PREX2: variants seen among roughly 807,000 people sequenced by gnomAD.
PREX2 encodes the protein phosphatidylinositol-3,4,5-trisphosphate dependent Rac exchange factor 2, also known as phosphatidylinositol 3,4,5-trisphosphate-dependent Rac exchanger 2 protein.
PREX2 carries 107 observed loss-of-function variants against 203.2 expected under a neutral mutation model. The observed-to-expected ratio is 0.53, with a 90% CI of 0.45 to 0.62. PREX2 has a LOEUF of 0.62. Among genes scored for constraint, PREX2 ranks in the 20% least tolerant of loss-of-function variants. PREX2 has a pLI of 0.00. For missense variants in PREX2, 1,777 were observed against 1,955.9 expected (o/e 0.91, Z 1.72); for synonymous variants, 672 against 663.6 (o/e 1.01, Z -0.19).
At chr8:68,094,137 G>A (rs1221292190) in intron 21 of PREX2, among the ~76,000 whole-genome samples, 1 of 152,192 alleles carries the variant, frequency 6.6e-6, no homozygotes, top group Admixed American at 6.5e-5. Context: ...CCTCCAGTGT[G>A]CCTCACAGAG....
intron 23 of PREX2, among the ~76,000 whole-genome samples, chr8:68,102,355 C>T (rs1810289436): frequency 6.6e-6 from 1 of 152,152 alleles, no homozygotes; most frequent in Non-Finnish European, 1.5e-5. Context: ...TTTAAAAGCT[C>T]TCCTTGTCAT....
At position 68,031,664 on chromosome 8, in the gene PREX2, A is replaced by G. The variant is rs893659413; in HGVS notation, c.705+1006A>G. On this transcript the variant is annotated intron_variant, in intron 6 of 39. Transcript: ENST00000288368. ...GTTGACCTAGCTGCTTCTTTGTCCA[A>G]CTCTTTCCATTTCAAGTGTCCGGAG... 2.6e-5 allele frequency among the ~76,000 whole-genome samples: 4 copies of G among 151,890 alleles called. No individual in the cohort carries two copies. In the East Asian group the frequency reaches 7.7e-4, roughly 29 times the overall value.
chr8:68,059,677 T>G (rs945667001), intron 10 of PREX2, among the ~76,000 whole-genome samples: 8 of 152,072 alleles, frequency 5.3e-5, no homozygotes, highest in African/African-American at 1.9e-4. Context: ...CTGCTTAGGG[T>G]TTCACGACCC....
intron 1 of PREX2, among the ~76,000 whole-genome samples, chr8:67,987,801 C>G (rs919481951): frequency 7.9e-5 from 12 of 152,174 alleles, no homozygotes; most frequent in African/African-American, 2.4e-4. Context: ...TAATATCTTC[C>G]TTCTCTGTGC....
chr8:68,197,787 AT>A (rs1812427976), intron 37 of PREX2, among the ~76,000 whole-genome samples: 2 of 148,494 alleles, frequency 1.3e-5, no homozygotes, highest in Non-Finnish European at 3.0e-5. Context: ...TATATATGCT[AT>A]ATTATATATA....
Position 68,130,451 on chromosome 8 carries a change from T to A in PREX2, c.3766+3032T>A, listed in dbSNP as rs144943753. ...ATTTTGTTGTATTTATGTAACAAAT[T>A]GCTCCTTCTCCATGAGCAATAAAGC... On this transcript the variant is annotated intron_variant, in intron 31 of 39. Coordinates refer to ENST00000288368, the MANE Select transcript of PREX2 (RefSeq NM_024870.4). Among the ~76,000 whole-genome samples the A allele has an allele frequency of 2.3e-4, 35 of 152,308 alleles. 1 individual carries two copies. In the East Asian group the frequency reaches 3.3e-3, roughly 14 times the overall value.
rs1049345748 is a variant in PREX2, at chr8:68,233,638, G to C, written c.*2260G>C. 1 of 152,158 alleles carries C rather than the reference G, an allele frequency of 6.6e-6. No individual in the cohort carries two copies. The highest frequency in any genetic ancestry group is 2.4e-5 in the African/African-American group (1 of 41,434). 9.4% of individuals were successfully genotyped at this position (152,158 alleles called of 1,614,324 possible). A position where few individuals can be genotyped will look rare whatever the true frequency, so the allele number is the denominator to read the frequency against. The stretch of plus-strand genomic sequence containing the variant: ...TACATGCCCAGTAATACCTCCAAAT[G>C]CTTTGCCTGTATTCTGTTGTTATTG... On this transcript the variant is annotated 3_prime_UTR_variant, in exon 40 of 40. Transcript: ENST00000288368.
chr8:68,217,624 T>A lies in PREX2; in HGVS notation c.4613T>A (p.Leu1538Gln), dbSNP rs745588887. The A allele has an allele frequency of 1.2e-6, 2 of 1,614,038 alleles. No individual in the cohort carries two copies. The highest frequency in any genetic ancestry group is 3.3e-5 in the Admixed American group (2 of 60,026). The change falls in exon 38 of 40, where the codon CTG becomes CAG. Residue 1538 changes from leucine (L) to glutamine (Q), a missense_variant. Coordinates refer to ENST00000288368, the MANE Select transcript of PREX2 (RefSeq NM_024870.4). The part of the protein sequence containing the change: ...MCSSGVHRCT[L>Q]SVTLEQAIIL... ...CTTGCCTTGGCCCACAGGTGCACCC[T>A]GAGCGTGACGCTGGAGCAAGCCATC...
At chr8:68,084,737 T>G (rs1414084862) in intron 18 of PREX2, among the ~76,000 whole-genome samples, 1 of 152,146 alleles carries the variant, frequency 6.6e-6, no homozygotes, top group Non-Finnish European at 1.5e-5. Flanking sequence ...TTTATTCAAC[T>G]CTGTCTAGGA....
chr8:68,080,438 T>C lies in PREX2; in HGVS notation c.1643-5T>C. The stretch of plus-strand genomic sequence containing the variant: ...GAAATAATTTGCATCTGTCTTTTTC[T>C]GTAGTCCTTGAAAAAAGCGAATTCA... On this transcript the variant is annotated splice_polypyrimidine_tract_variant and splice_region_variant and intron_variant, in intron 15 of 39. Coordinates refer to ENST00000288368, the MANE Select transcript of PREX2 (RefSeq NM_024870.4). 6.2e-7 allele frequency: 1 copy of C among 1,610,918 alleles called. No homozygotes were observed. Among genetic ancestry groups the C allele is most frequent in the Non-Finnish European group, 8.5e-7 (1 of 1,179,144 alleles).
chr8:68,142,626 C>T (rs1174556420), intron 33 of PREX2, among the ~76,000 whole-genome samples: 1 of 152,126 alleles, frequency 6.6e-6, no homozygotes, highest in Non-Finnish European at 1.5e-5. Flanking sequence ...AAGTTTTCAG[C>T]TCTTTTGGGT....
At chr8:68,159,559 G>A (rs1287052559) in intron 35 of PREX2, among the ~76,000 whole-genome samples, 8 of 152,154 alleles carry the variant, frequency 5.3e-5, no homozygotes, top group African/African-American at 1.9e-4. Context: ...AATAACCTGA[G>A]TTCCTGGTCC....
intron 34 of PREX2, among the ~76,000 whole-genome samples, chr8:68,154,722 CT>C (rs911888831): frequency 6.6e-6 from 1 of 152,184 alleles, no homozygotes; most frequent in African/African-American, 2.4e-5. Flanking sequence ...GTCCTTTTCC[CT>C]TTGAAGGGTT....
Position 68,233,947 on chromosome 8 carries a change from A to G in PREX2, c.*2569A>G, listed in dbSNP as rs915450028. On this transcript the variant is annotated 3_prime_UTR_variant, in exon 40 of 40. Coordinates refer to ENST00000288368, the MANE Select transcript of PREX2 (RefSeq NM_024870.4). ...TTAAATTATACATCTTGTATTAAAA[A>G]ACGGTGAATGGAAATATGTAAATGC... The G allele has an allele frequency of 2.0e-5, 3 of 152,330 alleles. No individual in the cohort carries two copies. The highest frequency in any genetic ancestry group is 2.9e-5 in the Non-Finnish European group (2 of 68,032). 9.4% of individuals were successfully genotyped at this position (152,330 alleles called of 1,614,324 possible). A position where few individuals can be genotyped will look rare whatever the true frequency, so the allele number is the denominator to read the frequency against.
intron 6 of PREX2, among the ~76,000 whole-genome samples, chr8:68,035,889 T>G (rs375785476): frequency 6.6e-6 from 1 of 152,178 alleles, no homozygotes; most frequent in South Asian, 2.1e-4. Context: ...CGAAGTTATA[T>G]GTATATTGTG....
At chr8:68,211,297 C>T (rs895259896) in intron 37 of PREX2, among the ~76,000 whole-genome samples, 1 of 152,192 alleles carries the variant, frequency 6.6e-6, no homozygotes, top group Non-Finnish European at 1.5e-5. Context: ...TCTTTAGCTT[C>T]ATGTAATTAT....
chr8:68,084,655 C>T (rs565442538), intron 18 of PREX2, among the ~76,000 whole-genome samples: 7 of 152,200 alleles, frequency 4.6e-5, no homozygotes, highest in Non-Finnish European at 7.4e-5. Context: ...TGTAGGAAGA[C>T]GGGGCTAGAG....
At chr8:68,230,806 A>G (rs955024391) in intron 39 of PREX2, among the ~76,000 whole-genome samples, 1 of 152,118 alleles carries the variant, frequency 6.6e-6, no homozygotes, top group African/African-American at 2.4e-5. Context: ...ACTCTAGCCA[A>G]TTGTGCCTTT....
intron 23 of PREX2, 196 bp downstream of exon 23, chr8:68,100,039 G>T (rs372425775): frequency 1.1e-5 from 8 of 708,176 alleles, no homozygotes; most frequent in Admixed American, 5.2e-5. Flanking sequence ...AAACTTGTAA[G>T]TTATGTTACT....
Sources: gnomAD v4.1 joint callset for allele counts (sites outside exome capture counted in the v4.1 genomes callset) on GRCh38, gnomAD v4.1.1 for gene constraint, MANE v1.5 for transcripts, NCBI Gene and HGNC (gene_info 2026-07-23, HGNC 2026-07-21) for gene names.